The following MEGF10 variants were observed in gnomAD, a reference collection of about 807,000 sequenced individuals.
MEGF10 encodes the protein multiple EGF like domains 10, also known as multiple epidermal growth factor-like domains protein 10.
Under a neutral mutation model 147.5 loss-of-function variants are expected in MEGF10, and 86 were observed. That is an observed-to-expected ratio of 0.58 (90% CI 0.49 to 0.70). The LOEUF (loss-of-function observed/expected upper bound fraction) is 0.70. Among genes scored for constraint, MEGF10 ranks in the 30% least tolerant of loss-of-function variants. The pLI is 0.00. For missense variants in MEGF10, 1,329 were observed against 1,487.3 expected (o/e 0.89, Z 1.75); for synonymous variants, 478 against 525.5 (o/e 0.91, Z 1.24).
chr5:127,424,519 A>C (rs1765144733), intron 13 of MEGF10: 1 of 1,442,664 alleles, frequency 6.9e-7, no homozygotes, highest in African/African-American at 1.4e-5. Context: ...TGTCACCAGC[A>C]ACCTCTTCAG....
At position 127,405,623 on chromosome 5, in the gene MEGF10, T is replaced by C. The variant is rs891468292; in HGVS notation, c.917+2941T>C. ...TATTTCATTTCCTTGAATTATTGCA[T>C]AAATTTGAGCCTCCAAATTAATGTT... is the stretch of plus-strand genomic sequence containing the variant. On this transcript the variant is annotated intron_variant, in intron 8 of 24. Coordinates refer to ENST00000503335, the MANE Select transcript of MEGF10 (RefSeq NM_001256545.2). Among the ~76,000 whole-genome samples, 3 of 152,150 alleles carry C rather than the reference T, an allele frequency of 2.0e-5. No homozygotes were observed. The East Asian group carries it at 5.8e-4, about 29-fold the overall frequency.
chr5:127,254,813 A>G, the MEGF10 span, among the ~76,000 whole-genome samples: 1 of 151,766 alleles, frequency 6.6e-6, no homozygotes, highest in Non-Finnish European at 1.5e-5. Context: ...TCCATCTGAA[A>G]AAAAAAAAAA....
At chr5:127,419,337 T>A in intron 11 of MEGF10, 97 bp downstream of exon 11, 5 of 1,446,226 alleles carry the variant, frequency 3.5e-6, no homozygotes, top group Non-Finnish European at 4.6e-6. Flanking sequence ...TAGCTCCAGT[T>A]GCACCAAAAT....
At chr5:127,404,125 A>T (rs1418578110) in intron 8 of MEGF10, among the ~76,000 whole-genome samples, 1 of 152,100 alleles carries the variant, frequency 6.6e-6, no homozygotes, top group African/African-American at 2.4e-5. Flanking sequence ...TCTTTTGGAT[A>T]TAAGCCATTT....
chr5:127,290,543 A>G (rs148504049), upstream of MEGF10, among the ~76,000 whole-genome samples: 2 of 152,276 alleles, frequency 1.3e-5, no homozygotes, highest in African/African-American at 4.8e-5. Context: ...AACATTTGCT[A>G]ACTTCGCGAC....
At chr5:127,449,300 C>A in intron 22 of MEGF10, 78 bp downstream of exon 22, 1 of 1,572,602 alleles carries the variant, frequency 6.4e-7, no homozygotes, top group Non-Finnish European at 8.6e-7. Context: ...TCTGTTTGTG[C>A]CAAGGTGTTC....
intron 9 of MEGF10, among the ~76,000 whole-genome samples, chr5:127,411,013 G>C (rs75748021): frequency 6.6e-6 from 1 of 151,870 alleles, no homozygotes; most frequent in Admixed American, 6.6e-5. Flanking sequence ...TCTTTTATTC[G>C]ACAGCACATC....
chr5:127,250,163 T>C, the MEGF10 span, among the ~76,000 whole-genome samples: 83,549 of 151,778 alleles, frequency 0.55, 23,406 homozygotes, highest in Middle Eastern at 0.71. Flanking sequence ...ATGTTAATAT[T>C]GGGCAAAATA....
In MEGF10 at chr5:127,435,344, C is replaced by A. The variant is rs1317146513; in HGVS notation, c.1976-17C>A. On this transcript the variant is annotated splice_polypyrimidine_tract_variant and intron_variant, in intron 15 of 24. Transcript: ENST00000503335. ...GGGGTTTTGATTGTGAGTTACTGACCTATAGCTTATTCACAGTGTGTCCCA... is the reference window on the plus strand; with the variant it reads ...GGGGTTTTGATTGTGAGTTACTGACATATAGCTTATTCACAGTGTGTCCCA... 1 of 1,613,472 alleles carries A rather than the reference C, an allele frequency of 6.2e-7. No homozygotes were observed. Among genetic ancestry groups the A allele is most frequent in the Non-Finnish European group, 8.5e-7 (1 of 1,179,722 alleles).
At chr5:127,411,492 C>G (rs569486742) in intron 9 of MEGF10, among the ~76,000 whole-genome samples, 5 of 152,210 alleles carry the variant, frequency 3.3e-5, no homozygotes, top group African/African-American at 1.2e-4. Context: ...TAAACAAAAG[C>G]GTGTGGTTGG....
At chr5:127,396,822 CT>C (rs1763935692) in intron 6 of MEGF10, 44 bp downstream of exon 6, 1 of 1,583,018 alleles carries the variant, frequency 6.3e-7, no homozygotes, top group Non-Finnish European at 8.6e-7. Flanking sequence ...CCCACCCACC[CT>C]CTCCATTCAT....
At chr5:127,330,049 G>A (rs974644330) in intron 1 of MEGF10, among the ~76,000 whole-genome samples, 1 of 152,002 alleles carries the variant, frequency 6.6e-6, no homozygotes. Flanking sequence ...CCCAGAGGAG[G>A]GCTTCTATGA....
intron 9 of MEGF10, among the ~76,000 whole-genome samples, chr5:127,416,110 C>T (rs752557852): frequency 1.3e-5 from 2 of 151,914 alleles, no homozygotes; most frequent in Non-Finnish European, 2.9e-5. Context: ...TCACTGCAAG[C>T]TCCACCTCCC....
chr5:127,443,263 T>A (rs1765823363), intron 19 of MEGF10, 137 bp downstream of exon 19: 1 of 920,294 alleles, frequency 1.1e-6, no homozygotes, highest in Non-Finnish European at 1.5e-6. Flanking sequence ...GTTACTTATT[T>A]AATTGCCAGA....
intron 11 of MEGF10, 91 bp from the exon 12 acceptor site, chr5:127,419,953 C>A: frequency 7.0e-7 from 1 of 1,427,806 alleles, no homozygotes; most frequent in Non-Finnish European, 9.5e-7. Context: ...ATCTCCAAGG[C>A]GTTTCTAAAG....
intron 1 of MEGF10, among the ~76,000 whole-genome samples, chr5:127,315,484 A>C (rs75475731): frequency 0.018 from 2,753 of 152,298 alleles, 74 homozygotes; most frequent in East Asian, 0.11. Context: ...ACTTAAAAAT[A>C]TATGAATCTT....
chr5:127,248,823 G>GA, the MEGF10 span, among the ~76,000 whole-genome samples: 60 of 146,236 alleles, frequency 4.1e-4, 1 homozygote, highest in East Asian at 3.4e-3. Flanking sequence ...TGAACTTGGT[G>GA]AAAAAAAAAA....
rs1367111214 is a variant in MEGF10, at chr5:127,459,000, C to T, written c.*1682C>T. On this transcript the variant is annotated 3_prime_UTR_variant, in exon 25 of 25. Coordinates refer to ENST00000503335, the MANE Select transcript of MEGF10 (RefSeq NM_001256545.2). ...AGCCAGTTTCCCTTTTGTTGATCTA[C>T]TTGACCAAGCAAAGGGGCTGAAAAA... 1.3e-5 allele frequency: 2 copies of T among 152,156 alleles called. No individual in the cohort carries two copies. The highest frequency in any genetic ancestry group is 4.8e-5 in the African/African-American group (2 of 41,430). 9.4% of individuals were successfully genotyped at this position (152,156 alleles called of 1,614,324 possible). A position where few individuals can be genotyped will look rare whatever the true frequency, so the allele number is the denominator to read the frequency against.
intron 13 of MEGF10, among the ~76,000 whole-genome samples, chr5:127,423,646 C>G (rs1765106124): frequency 6.6e-6 from 1 of 152,146 alleles, no homozygotes; most frequent in Non-Finnish European, 1.5e-5. Flanking sequence ...TGATATTGAA[C>G]ATCTTTCTGT....
Sources: gnomAD v4.1 joint callset for allele counts (sites outside exome capture counted in the v4.1 genomes callset) on GRCh38, gnomAD v4.1.1 for gene constraint, MANE v1.5 for transcripts, NCBI Gene and HGNC (gene_info 2026-07-23, HGNC 2026-07-21) for gene names.